The following NPAT variants were observed in gnomAD, a reference collection of about 807,000 sequenced individuals.
NPAT encodes nuclear protein, coactivator of histone transcription.
A neutral mutation model predicts 130.7 loss-of-function variants in NPAT; 52 were observed. That is an observed-to-expected ratio of 0.40 (90% CI 0.32 to 0.50). The LOEUF (loss-of-function observed/expected upper bound fraction) is 0.50, where lower values mean the gene tolerates loss of function less well. Among genes scored for constraint, NPAT ranks in the 20% least tolerant of loss-of-function variants. The pLI is 0.68. For missense variants in NPAT, 1,687 were observed against 1,662.6 expected (o/e 1.01, Z -0.26); for synonymous variants, 580 against 584.8 (o/e 0.99, Z 0.12).
intron 13 of NPAT, 71 bp downstream of exon 13, chr11:108,172,128 A>G (rs751048079): frequency 3.0e-5 from 40 of 1,332,356 alleles, no homozygotes; most frequent in Admixed American, 1.2e-4. Flanking sequence ...TTCGCAGTCA[A>G]TAACATCACA....
chr11:108,210,688 G>A (rs2078375927), intron 1 of NPAT, among the ~76,000 whole-genome samples: 1 of 152,178 alleles, frequency 6.6e-6, no homozygotes, highest in South Asian at 2.1e-4. Flanking sequence ...AATCTGAACA[G>A]ACCTATAACA....
At chr11:108,215,444 G>A (rs1158811638) in intron 1 of NPAT, among the ~76,000 whole-genome samples, 1 of 152,130 alleles carries the variant, frequency 6.6e-6, no homozygotes, top group Non-Finnish European at 1.5e-5. Context: ...ACACCTGGGT[G>A]ATGAAATAAT....
At chr11:108,199,949 A>C (rs2078258775) in intron 1 of NPAT, among the ~76,000 whole-genome samples, 1 of 152,194 alleles carries the variant, frequency 6.6e-6, no homozygotes, top group African/African-American at 2.4e-5. Flanking sequence ...GTGTTGCTGC[A>C]AACCACAGTG....
At chr11:108,177,927 C>T (rs2078024349) in intron 10 of NPAT, among the ~76,000 whole-genome samples, 1 of 152,178 alleles carries the variant, frequency 6.6e-6, no homozygotes, top group East Asian at 1.9e-4. Context: ...TGCCATGTTG[C>T]CCAGGCTGGT....
chr11:108,190,420 T>C, intron 5 of NPAT, 40 bp downstream of exon 5: 6 of 1,540,644 alleles, frequency 3.9e-6, no homozygotes, highest in South Asian at 1.1e-5. Flanking sequence ...TAGTTTAAGT[T>C]TGAAGTAATT....
At chr11:108,189,360 T>C (rs185463317) in intron 5 of NPAT, 30 bp from the exon 6 acceptor site, 312 of 1,602,348 alleles carry the variant, frequency 1.9e-4, no homozygotes, top group Non-Finnish European at 2.6e-4. Flanking sequence ...AAAAAACAAA[T>C]TCAACGTCAG....
At chr11:108,202,659 T>C (rs115516553) in intron 1 of NPAT, among the ~76,000 whole-genome samples, 2,236 of 152,318 alleles carry the variant, frequency 0.015, 53 homozygotes, top group African/African-American at 0.048. Flanking sequence ...AGGTCACTAA[T>C]GCTTGTGAGA....
intron 1 of NPAT, among the ~76,000 whole-genome samples, chr11:108,202,967 G>C (rs1042490950): frequency 3.9e-5 from 6 of 152,254 alleles, no homozygotes; most frequent in African/African-American, 1.4e-4. Flanking sequence ...GCTGTCACCC[G>C]GGGGTCTCAA....
chr11:108,195,904 G>A (rs1303599773), intron 2 of NPAT, among the ~76,000 whole-genome samples: 1 of 152,244 alleles, frequency 6.6e-6, no homozygotes, highest in Non-Finnish European at 1.5e-5. Context: ...TGGGATTATA[G>A]GCATGAGCCA....
At chr11:108,208,690 A>T in intron 1 of NPAT, 1 of 279,936 alleles carries the variant, frequency 3.6e-6, no homozygotes, top group South Asian at 2.9e-5. Flanking sequence ...AAGGAGAAAC[A>T]GATAATTCAA....
rs1565309286 is a variant in NPAT at position 108,170,008 on chromosome 11, C to A, written c.2821G>T (p.Val941Leu). ...AIIIASPVQP[V>L]LQGMVGMIPV... The stretch of plus-strand genomic sequence containing the variant: ...ATCATCCCTACCATTCCTTGGAGTA[C>A]AGGCTGGACTGGAGAGGCAATTATT... The change falls in exon 14 of 18, where the codon GTA becomes TTA. Residue 941 changes from valine (V) to leucine (L), a missense_variant. Transcript: ENST00000278612. The A allele has an allele frequency of 2.5e-6, 4 of 1,613,684 alleles. No individual in the cohort carries two copies. The highest frequency in any genetic ancestry group is 8.5e-7 in the Non-Finnish European group (1 of 1,179,650).
At chr11:108,169,629 G>C (rs187150193) in intron 15 of NPAT, 115 bp downstream of exon 15, 111 of 787,768 alleles carry the variant, frequency 1.4e-4, no homozygotes, top group Non-Finnish European at 1.3e-5. Flanking sequence ...GCAAATGTAG[G>C]GTGATCACTT....
chr11:108,193,806 G>T (rs2078194203), intron 3 of NPAT, 151 bp downstream of exon 3: 1 of 554,270 alleles, frequency 1.8e-6, no homozygotes. Flanking sequence ...CAAATTAGAT[G>T]TGTCCCAGAA....
intron 10 of NPAT, among the ~76,000 whole-genome samples, chr11:108,181,234 C>T (rs1381431086): frequency 2.6e-5 from 4 of 152,118 alleles, no homozygotes; most frequent in Non-Finnish European, 5.9e-5. Context: ...GAGGCCGAGG[C>T]GGGCAGATCA....
chr11:108,209,551 C>G (rs2078362693), intron 1 of NPAT, among the ~76,000 whole-genome samples: 1 of 152,046 alleles, frequency 6.6e-6, no homozygotes, highest in Admixed American at 6.6e-5. Context: ...GATCTTGTCT[C>G]AAAACAAACA....
At position 108,173,499 on chromosome 11, in the gene NPAT, C is replaced by T. The variant is rs368245210; in HGVS notation, c.1485G>A (p.Pro495=). The part of the protein sequence containing the change: ...IEKNSLSSNV[P]SESQLQPDQP... ...GATCAGGCTGTAACTGAGATTCACT[C>T]GGTACATTTGAAGACAAAGAGTTCT... The change falls in exon 13 of 18, where the codon CCG becomes CCA. Residue 495 remains proline, a synonymous_variant. Transcript: ENST00000278612. 2.4e-4 allele frequency: 390 copies of T among 1,614,092 alleles called. No individual in the cohort carries two copies. Among genetic ancestry groups the T allele is most frequent in the Non-Finnish European group, 3.1e-4 (371 of 1,179,994 alleles).
At chr11:108,163,214 G>A (rs1449720122) in intron 15 of NPAT, among the ~76,000 whole-genome samples, 1 of 152,022 alleles carries the variant, frequency 6.6e-6, no homozygotes, top group African/African-American at 2.4e-5. Context: ...CGAGTAGCTG[G>A]GATTACAGGT....
In NPAT at chr11:108,197,397, T is replaced by C; in HGVS notation, c.61A>G (p.Ile21Val). ...AAAATAAAAGTCTGGCAGGTAGAAA[T>C]GAGGTTTTCTTGCTGTAAGTAACCT... is the stretch of plus-strand genomic sequence containing the variant. ...VLGYLQQENL[I>V]STCQTFILES... The change falls in exon 2 of 18, where the codon ATT (isoleucine) becomes GTT (valine). Residue 21 changes from isoleucine to valine, a missense_variant. Transcript: ENST00000278612. The C allele has an allele frequency of 6.2e-7, 1 of 1,610,932 alleles. No homozygotes were observed. Among genetic ancestry groups the C allele is most frequent in the Non-Finnish European group, 8.5e-7 (1 of 1,177,146 alleles).
Position 108,161,185 on chromosome 11 carries a change from T to G in NPAT, c.3901A>C (p.Thr1301Pro). Residue 1301 changes from threonine to proline, a missense_variant, in exon 17 of 18, where the codon ACA becomes CCA. Thr to Pro is a conservative substitution (Grantham distance 38). Around this residue, in one of 3 missense-constraint regions of NPAT, gnomAD observed 1,379 missense variants for 1,346.6 expected, o/e 1.02. Transcript: ENST00000278612. ...ACAGGAGGGACCATTACTTTTGATG[T>G]ACTACTGTCTTCACTGAAACGCCTA... ...SSRRFSEDSS[T>P]SKVMVPPVTP... The G allele has an allele frequency of 6.2e-7, 1 of 1,614,176 alleles. No homozygotes were observed. Among genetic ancestry groups the G allele is most frequent in the Non-Finnish European group, 8.5e-7 (1 of 1,180,028 alleles).
Sources: gnomAD v4.1 joint callset for allele counts (sites outside exome capture counted in the v4.1 genomes callset) on GRCh38, gnomAD v4.1.1 for gene constraint, gnomAD v4.1.1 regional missense constraint, MANE v1.5 for transcripts, NCBI Gene and HGNC (gene_info 2026-07-23, HGNC 2026-07-21) for gene names.